TUBA3D: variants seen among roughly 807,000 people sequenced by gnomAD.
TUBA3D encodes tubulin alpha-3D chain.
TUBA3D carries 24 observed loss-of-function variants against 36.1 expected under a neutral mutation model. That is an observed-to-expected ratio of 0.66 (90% CI 0.48 to 0.93). The LOEUF is 0.93. Ranked by LOEUF, TUBA3D falls within the 40% of genes least tolerant of loss-of-function variation. TUBA3D has a pLI of 0.00. For missense variants in TUBA3D, 356 were observed against 614.5 expected (o/e 0.58, Z 4.45); for synonymous variants, 185 against 247.2 (o/e 0.75, Z 2.36).
At chr2:131,477,022 CCTTTCTTTTT>C (rs1382562909) in intron 1 of TUBA3D, among the ~76,000 whole-genome samples, 2 of 136,156 alleles carry the variant, frequency 1.5e-5, no homozygotes, top group Non-Finnish European at 3.1e-5. Context: ...TCCTTTTTTT[CCTTTCTTTTT>C]CTTTCTTTTT....
Position 131,479,376 on chromosome 2 carries a change from G to A in TUBA3D, c.295G>A (p.Ala99Thr), listed in dbSNP as rs769593401. ...GCAGCTGATCACCGGGAAGGAAGATGCAGCCAATAATTACGCCAGGGGCCA... is the reference window on the plus strand; with the variant it reads ...GCAGCTGATCACCGGGAAGGAAGATACAGCCAATAATTACGCCAGGGGCCA... ...PEQLITGKEDAANNYARGHYT... is the reference protein window; with the variant it reads ...PEQLITGKEDTANNYARGHYT... The change falls in exon 3 of 5, where the codon GCA becomes ACA. Residue 99 changes from alanine (A) to threonine (T), a missense_variant. Physicochemically the swap from Ala to Thr is moderately conservative, Grantham distance 58. Around this residue, in one of 3 missense-constraint regions of TUBA3D, gnomAD observed 109 missense variants for 153.7 expected, o/e 0.71. Coordinates refer to ENST00000321253, the MANE Select transcript of TUBA3D (RefSeq NM_080386.4). 1.2e-5 allele frequency: 20 copies of A among 1,614,086 alleles called. No homozygotes were observed. The highest frequency in any genetic ancestry group is 1.7e-5 in the Non-Finnish European group (20 of 1,180,052).
intron 1 of TUBA3D, among the ~76,000 whole-genome samples, chr2:131,477,555 G>A (rs1244983382): frequency 2.8e-5 from 4 of 142,920 alleles, no homozygotes; most frequent in African/African-American, 1.2e-4. Context: ...GAGTACCCTG[G>A]CACTGCTTTC....
intron 4 of TUBA3D, 23 bp from the exon 5 acceptor site, chr2:131,482,529 G>A: frequency 1.3e-6 from 2 of 1,589,226 alleles, no homozygotes; most frequent in Non-Finnish European, 1.7e-6. Flanking sequence ...TTCATGGACT[G>A]CTTTCTTTCC....
At chr2:131,478,972 A>T (rs181943741) in intron 2 of TUBA3D, among the ~76,000 whole-genome samples, 237 of 152,264 alleles carry the variant, frequency 1.6e-3, no homozygotes, top group African/African-American at 5.5e-3. Context: ...CCCAGGTTGT[A>T]AGAGTTTCTA....
intron 4 of TUBA3D, among the ~76,000 whole-genome samples, chr2:131,482,067 T>C (rs1284085719): frequency 2.6e-5 from 4 of 152,224 alleles, no homozygotes; most frequent in Non-Finnish European, 5.9e-5. Flanking sequence ...GGTAGCAGCA[T>C]TCATATGACC....
At position 131,478,229 on chromosome 2, in the gene TUBA3D, G is replaced by C. The variant is rs1209645655; in HGVS notation, c.69G>C (p.Leu23=). The C allele has an allele frequency of 6.2e-7, 1 of 1,614,114 alleles. No individual in the cohort carries two copies. Among genetic ancestry groups the C allele is most frequent in the Non-Finnish European group, 8.5e-7 (1 of 1,179,946 alleles). Residue 23 remains leucine, a synonymous_variant, in exon 2 of 5, where the codon CTG becomes CTC. Coordinates refer to ENST00000321253, the MANE Select transcript of TUBA3D (RefSeq NM_080386.4). ...GVQIGNACWE[L]YCLEHGIQPD... The stretch of plus-strand genomic sequence containing the variant: ...AGATCGGCAATGCCTGCTGGGAACT[G>C]TACTGCCTTGAACATGGAATTCAGC...
chr2:131,481,814 CACCT>C (rs1468183804), intron 4 of TUBA3D, among the ~76,000 whole-genome samples: 1 of 152,210 alleles, frequency 6.6e-6, no homozygotes, highest in Non-Finnish European at 1.5e-5. Flanking sequence ...GTGATCTGCC[CACCT>C]GTCTCCCAAA....
rs1469469665 is a variant in TUBA3D at position 131,480,250 on chromosome 2, A to G, written c.557A>G (p.Asn186Ser). The stretch of plus-strand genomic sequence containing the variant: ...TCCACAGCCGTGGTGGAGCCCTACA[A>G]CTCCATCCTGACCACCCACACGACC... ...QVSTAVVEPY[N>S]SILTTHTTLE... The change falls in exon 4 of 5, where the codon AAC becomes AGC. Residue 186 changes from asparagine (N) to serine (S), a missense_variant. Physicochemically the swap from Asn to Ser is conservative, Grantham distance 46. Around this residue, in one of 3 missense-constraint regions of TUBA3D, gnomAD observed 91 missense variants for 240.9 expected, o/e 0.38. Transcript: ENST00000321253. 1 of 1,613,224 alleles carries G rather than the reference A, an allele frequency of 6.2e-7. No individual in the cohort carries two copies. Among genetic ancestry groups the G allele is most frequent in the Non-Finnish European group, 8.5e-7 (1 of 1,179,910 alleles).
rs781631398 is a variant in TUBA3D at position 131,482,764 on chromosome 2, G to A, written c.1269G>A (p.Glu423=). ...AGGGAGAGTTCTCTGAGGCCCGCGA[G>A]GACCTGGCAGCTCTAGAGAAGGATT... The part of the protein sequence containing the change: ...MEEGEFSEAR[E]DLAALEKDYE... Residue 423 remains glutamate (E), a synonymous_variant, in exon 5 of 5, where the codon GAG becomes GAA. Coordinates refer to ENST00000321253, the MANE Select transcript of TUBA3D (RefSeq NM_080386.4). The A allele has an allele frequency of 5.0e-6, 8 of 1,614,224 alleles. No homozygotes were observed. The East Asian group carries it at 1.6e-4, about 31-fold the overall frequency.
chr2:131,479,511 G>T, intron 3 of TUBA3D, 55 bp downstream of exon 3: 1 of 1,599,276 alleles, frequency 6.3e-7, no homozygotes, highest in Non-Finnish European at 8.5e-7. Flanking sequence ...GGTAGTTCTT[G>T]GAATGTGAAA....
In TUBA3D at chr2:131,479,383, A is replaced by G. The variant is rs773014217; in HGVS notation, c.302A>G (p.Asn101Ser). The G allele has an allele frequency of 5.0e-6, 8 of 1,614,100 alleles. No individual in the cohort carries two copies. The highest frequency in any genetic ancestry group is 2.2e-5 in the East Asian group (1 of 44,896). The change falls in exon 3 of 5, where the codon AAT (asparagine) becomes AGT (serine). Residue 101 changes from asparagine (N) to serine (S), a missense_variant. Asn to Ser is a conservative substitution (Grantham distance 46). Coordinates refer to ENST00000321253, the MANE Select transcript of TUBA3D (RefSeq NM_080386.4). ...ATCACCGGGAAGGAAGATGCAGCCA[A>G]TAATTACGCCAGGGGCCATTACACC... ...QLITGKEDAA[N>S]NYARGHYTIG...
intron 4 of TUBA3D, among the ~76,000 whole-genome samples, chr2:131,481,916 C>T (rs1678877518): frequency 6.6e-6 from 1 of 152,230 alleles, no homozygotes; most frequent in Non-Finnish European, 1.5e-5. Context: ...CTAGTTGACC[C>T]TGTGCACTGC....
rs536743154 is a variant in TUBA3D, at chr2:131,480,873, A to G, written c.1056+124A>G. 95 of 1,358,874 alleles carry G rather than the reference A, an allele frequency of 7.0e-5. 3 individuals carry two copies. Among genetic ancestry groups the G allele is most frequent in the East Asian group, 5.6e-4 (24 of 42,628 alleles). 84.2% of individuals were successfully genotyped at this position (1,358,874 alleles called of 1,614,324 possible). A position where few individuals can be genotyped will look rare whatever the true frequency, so the allele number is the denominator to read the frequency against. ...CCATGGGCTAGGCATGTGGGCATAA[A>G]TTAGTGAACCAGAGTTGATAATTGA... On this transcript the variant is annotated intron_variant, in intron 4 of 4. Coordinates refer to ENST00000321253, the MANE Select transcript of TUBA3D (RefSeq NM_080386.4).
intron 4 of TUBA3D, among the ~76,000 whole-genome samples, chr2:131,481,954 CGA>C: frequency 6.6e-6 from 1 of 152,338 alleles, no homozygotes; most frequent in East Asian, 1.9e-4. Flanking sequence ...ATGTTATGCC[CGA>C]GTTCTGAAAC....
intron 1 of TUBA3D, among the ~76,000 whole-genome samples, chr2:131,477,356 C>T (rs1390515146): frequency 1.3e-5 from 2 of 152,152 alleles, no homozygotes; most frequent in East Asian, 3.9e-4. Context: ...AAAGAAACCA[C>T]CAAAGGACAG....
intron 4 of TUBA3D, 35 bp downstream of exon 4, chr2:131,480,784 C>G: frequency 6.3e-7 from 1 of 1,591,700 alleles, no homozygotes; most frequent in Non-Finnish European, 8.6e-7. Context: ...TTTCAGCAAG[C>G]AGCAGATGCA....
Position 131,482,655 on chromosome 2 carries a change from C to A in TUBA3D, c.1160C>A (p.Ala387Asp). The A allele has an allele frequency of 6.2e-7, 1 of 1,614,202 alleles. No individual in the cohort carries two copies. Among genetic ancestry groups the A allele is most frequent in the Non-Finnish European group, 8.5e-7 (1 of 1,180,046 alleles). ...MLSNTTAIAEAWARLDHKFDL... is the reference protein window; with the variant it reads ...MLSNTTAIAEDWARLDHKFDL... Reference sequence around the variant, plus strand: ...AGCAACACCACGGCCATTGCGGAGGCCTGGGCCCGCCTGGACCATAAGTTC... The same window carrying A: ...AGCAACACCACGGCCATTGCGGAGGACTGGGCCCGCCTGGACCATAAGTTC... The change falls in exon 5 of 5, where the codon GCC (alanine) becomes GAC (aspartate). Residue 387 changes from alanine (A) to aspartate (D), a missense_variant. Physicochemically the swap from Ala to Asp is moderately radical, Grantham distance 126. Coordinates refer to ENST00000321253, the MANE Select transcript of TUBA3D (RefSeq NM_080386.4).
At position 131,478,266 on chromosome 2, in the gene TUBA3D, A is replaced by G; in HGVS notation, c.106A>G (p.Met36Val). ...LEHGIQPDGQ[M>V]PSDKTIGGGD... Reference sequence around the variant, plus strand: ...ACATGGAATTCAGCCCGATGGCCAAATGCCAAGTGATAAAACCATTGGTGG... The same window carrying G: ...ACATGGAATTCAGCCCGATGGCCAAGTGCCAAGTGATAAAACCATTGGTGG... Residue 36 changes from methionine to valine, a missense_variant, in exon 2 of 5, where the codon ATG (methionine) becomes GTG (valine). Met to Val is a conservative substitution (Grantham distance 21). Transcript: ENST00000321253. 1 of 1,614,056 alleles carries G rather than the reference A, an allele frequency of 6.2e-7. No individual in the cohort carries two copies. Among genetic ancestry groups the G allele is most frequent in the Non-Finnish European group, 8.5e-7 (1 of 1,179,916 alleles).
chr2:131,478,426 G>T (rs774139282), intron 2 of TUBA3D, 40 bp downstream of exon 2: 9 of 1,555,854 alleles, frequency 5.8e-6, no homozygotes, highest in Admixed American at 1.8e-5. Flanking sequence ...TCCTGAGAGG[G>T]TGGGAGAGCA....
Sources: allele counts gnomAD v4.1 joint callset (sites outside exome capture counted in the v4.1 genomes callset), GRCh38; gene constraint gnomAD v4.1.1; regional missense constraint gnomAD v4.1.1; transcripts MANE v1.5; gene names NCBI Gene and HGNC (gene_info 2026-07-23, HGNC 2026-07-21).